PDE6A: variants seen among roughly 807,000 people sequenced by gnomAD.
PDE6A encodes rod cGMP-specific 3',5'-cyclic phosphodiesterase subunit alpha.
PDE6A carries 84 observed loss-of-function variants against 106.3 expected under a neutral mutation model. The observed-to-expected ratio is 0.79, with a 90% confidence interval of 0.66 to 0.95. The LOEUF (loss-of-function observed/expected upper bound fraction) is 0.95, where lower values mean the gene tolerates loss of function less well. Among genes scored for constraint, PDE6A ranks in the 40% least tolerant of loss-of-function variants. The pLI is 0.00. For synonymous variants in PDE6A, 394 were observed against 386.6 expected (o/e 1.02, Z -0.23); for missense variants, 1,052 against 1,084.9 (o/e 0.97, Z 0.43).
intron 3 of PDE6A, chr5:149,932,760 A>T (rs1221314871): frequency 9.3e-7 from 1 of 1,074,304 alleles, no homozygotes; most frequent in East Asian, 2.5e-5. Flanking sequence ...TCTGTGCTTC[A>T]TATTAAATCC....
At chr5:149,937,683 G>A (rs970825144) in intron 1 of PDE6A, among the ~76,000 whole-genome samples, 1 of 152,080 alleles carries the variant, frequency 6.6e-6, no homozygotes, top group African/African-American at 2.4e-5. Flanking sequence ...GCTGAGTTTG[G>A]ATTTTAAAGT....
rs767363693 is a variant in PDE6A, at chr5:149,921,681, A to T, written c.887T>A (p.Met296Lys). The T allele has an allele frequency of 1.2e-6, 2 of 1,614,050 alleles. No individual in the cohort carries two copies. Among genetic ancestry groups the T allele is most frequent in the Admixed American group, 3.3e-5 (2 of 60,026 alleles). The change falls in exon 5 of 22, where the codon ATG becomes AAG. Residue 296 changes from methionine to lysine, a missense_variant. Around this residue, in one of 3 missense-constraint regions of PDE6A, gnomAD observed 913 missense variants for 915.2 expected, o/e 1.00. Coordinates refer to ENST00000255266, the MANE Select transcript of PDE6A (RefSeq NM_000440.3). ...ACCAGAGTAAGGTGGAACTTCACCCATCAGAACCGGCCACACATCAAAAAA... is the reference window on the plus strand; with the variant it reads ...ACCAGAGTAAGGTGGAACTTCACCCTTCAGAACCGGCCACACATCAAAAAA... ...KEFFDVWPVLMGEVPPYSGPR... is the reference protein window; with the variant it reads ...KEFFDVWPVLKGEVPPYSGPR...
intron 8 of PDE6A, 146 bp from the exon 9 acceptor site, chr5:149,899,670 A>G: frequency 2.4e-6 from 2 of 829,776 alleles, no homozygotes; most frequent in Non-Finnish European, 4.1e-6. Context: ...GAGTTTAATT[A>G]CCGACAACTA....
chr5:149,944,699 G>GT lies in PDE6A; in HGVS notation c.-27dup. ...GGCTGGGAATCCCACTGGCTACTCT[G>GT]TAGAAGGACTGGGACGGAGGCCTTC... On this transcript the variant is annotated 5_prime_UTR_variant, in exon 1 of 22. The change abolishes the stop of an existing upstream ORF in the 5' untranslated region. Coordinates refer to ENST00000255266, the MANE Select transcript of PDE6A (RefSeq NM_000440.3). 6.4e-7 allele frequency: 1 copy of GT among 1,573,760 alleles called. No homozygotes were observed.
At chr5:149,923,324 C>A (rs1561772269) in intron 4 of PDE6A, among the ~76,000 whole-genome samples, 1 of 151,982 alleles carries the variant, frequency 6.6e-6, no homozygotes, top group South Asian at 2.1e-4. Context: ...ATGGCAAAAC[C>A]CCGTCTCTAC....
chr5:149,894,716 C>T (rs986728678), intron 13 of PDE6A, among the ~76,000 whole-genome samples: 7 of 148,496 alleles, frequency 4.7e-5, no homozygotes, highest in African/African-American at 1.7e-4. Flanking sequence ...ACTGCAACCT[C>T]TGCCTCCCGG....
Position 149,944,301 on chromosome 5 carries a change from G to A in PDE6A, c.373C>T (p.Leu125=). ...ACGATCTCTTGGTCGGGCATCACCA[G>A]GCAGTCCTCGAGGACAGCATCCTTG... ...VHKDAVLEDC[L]VMPDQEIVFP... Residue 125 remains leucine (L), a synonymous_variant, in exon 1 of 22, where the codon CTG becomes TTG. Transcript: ENST00000255266. The A allele has an allele frequency of 6.2e-7, 1 of 1,614,124 alleles. No homozygotes were observed. The highest frequency in any genetic ancestry group is 8.5e-7 in the Non-Finnish European group (1 of 1,180,022).
chr5:149,917,776 T>C (rs1307216438), intron 5 of PDE6A, among the ~76,000 whole-genome samples: 1 of 152,178 alleles, frequency 6.6e-6, no homozygotes, highest in Non-Finnish European at 1.5e-5. Context: ...TAGGCCTCAG[T>C]TTCTCTGGCT....
At chr5:149,896,823 G>A (rs757038871) in intron 10 of PDE6A, 47 bp from the exon 11 acceptor site, 162 of 1,595,842 alleles carry the variant, frequency 1.0e-4, no homozygotes, top group Non-Finnish European at 1.4e-4. Context: ...GTTACAACAT[G>A]CCTCCGCGTT....
At position 149,884,217 on chromosome 5, in the gene PDE6A, C is replaced by T. The variant is rs955067982; in HGVS notation, c.2027+262G>A. ...AAAAAAAAATATATATATATATATA[C>T]ACACACACATATATATGTGTAGATA... On this transcript the variant is annotated intron_variant, in intron 16 of 21. Coordinates refer to ENST00000255266, the MANE Select transcript of PDE6A (RefSeq NM_000440.3). Among the ~76,000 whole-genome samples the T allele has an allele frequency of 1.5e-3, 191 of 124,832 alleles. 2 individuals carry two copies. The highest frequency in any genetic ancestry group is 1.7e-3 in the Non-Finnish European group (96 of 56,730). 81.9% of individuals were successfully genotyped at this position (124,832 alleles called of 152,430 possible). A position where few individuals can be genotyped will look rare whatever the true frequency, so the allele number is the denominator to read the frequency against.
At chr5:149,884,188 G>GAAA (rs55911717) in intron 16 of PDE6A, among the ~76,000 whole-genome samples, 10 of 72,658 alleles carry the variant, frequency 1.4e-4, no homozygotes, top group East Asian at 1.1e-3. Context: ...TCTCAAAAAA[G>GAAA]AAAAAAAAAA....
At chr5:149,873,031 C>T (rs191871569) in intron 17 of PDE6A, among the ~76,000 whole-genome samples, 30 of 152,036 alleles carry the variant, frequency 2.0e-4, no homozygotes, top group Admixed American at 8.5e-4. Flanking sequence ...CGAGGGCCCA[C>T]GATATTCTCC....
At chr5:149,872,177 C>T (rs1760584737) in intron 17 of PDE6A, among the ~76,000 whole-genome samples, 1 of 152,278 alleles carries the variant, frequency 6.6e-6, no homozygotes, top group Non-Finnish European at 1.5e-5. Flanking sequence ...CCATCTCCTC[C>T]CCACTTGCTG....
chr5:149,860,133 C>G lies in PDE6A; in HGVS notation c.*762G>C, dbSNP rs1347315225. On this transcript the variant is annotated 3_prime_UTR_variant, in exon 22 of 22. Coordinates refer to ENST00000255266, the MANE Select transcript of PDE6A (RefSeq NM_000440.3). ...TCTCAGACTCCTGGGCTCATGCAGT[C>G]TGCCCACCTCAGCCTCCTGAAGTGC... is the stretch of plus-strand genomic sequence containing the variant. 2 of 152,242 alleles carry G rather than the reference C, an allele frequency of 1.3e-5. No homozygotes were observed. Among genetic ancestry groups the G allele is most frequent in the Admixed American group, 6.5e-5 (1 of 15,280 alleles). 9.4% of individuals were successfully genotyped at this position (152,242 alleles called of 1,614,324 possible).
In PDE6A at chr5:149,944,392, C is replaced by T. The variant is rs150808864; in HGVS notation, c.282G>A (p.Met94Ile). The change falls in exon 1 of 22, where the codon ATG becomes ATA. Residue 94 changes from methionine to isoleucine, a missense_variant. Met to Ile is a conservative substitution (Grantham distance 10, BLOSUM62 1). This residue lies in a region of PDE6A where 913 missense variants were observed against 915.2 expected (regional missense o/e 1.00). Transcript: ENST00000255266. ...TGCGGGTCCGGTACATGAACAGGCTCATGCGGTCTGCCTGCAGGAGGAAGC... is the reference window on the plus strand; with the variant it reads ...TGCGGGTCCGGTACATGAACAGGCTTATGCGGTCTGCCTGCAGGAGGAAGC... Reference protein sequence around the residue: ...KLCFLLQADRMSLFMYRTRNG... With the variant: ...KLCFLLQADRISLFMYRTRNG... 3.4e-4 allele frequency: 549 copies of T among 1,614,138 alleles called. No individual in the cohort carries two copies. The highest frequency in any genetic ancestry group is 4.0e-4 in the Non-Finnish European group (476 of 1,180,020).
chr5:149,863,212 T>G lies in PDE6A; in HGVS notation c.2413A>C (p.Asn805His). ...ITPMLDGITN[N>H]RKEWKALADE... ...GCAAGCGCCTTCCACTCCTTGCGAT[T>G]GTTGGTGATCCCGTCCAACATTGGG... is the stretch of plus-strand genomic sequence containing the variant. The change falls in exon 21 of 22, where the codon AAT becomes CAT. Residue 805 changes from asparagine (N) to histidine (H), a missense_variant. By Grantham distance (68) the Asn-to-His change is moderately conservative (BLOSUM62 1). Transcript: ENST00000255266. This position sits in a 1 kb window ranked among gnomAD's most constrained non-coding sequence, Gnocchi z 4.7. 1.2e-6 allele frequency: 2 copies of G among 1,614,224 alleles called. No individual in the cohort carries two copies. Among genetic ancestry groups the G allele is most frequent in the Non-Finnish European group, 1.7e-6 (2 of 1,180,030 alleles).
chr5:149,900,419 T>G, intron 8 of PDE6A, among the ~76,000 whole-genome samples: 1 of 93,072 alleles, frequency 1.1e-5, no homozygotes, highest in Non-Finnish European at 2.3e-5. Flanking sequence ...ATCAAACATT[T>G]AGAATGTGCA....
chr5:149,866,824 C>A (rs571409431), intron 19 of PDE6A: 85 of 153,748 alleles, frequency 5.5e-4, no homozygotes, highest in Non-Finnish European at 9.4e-4. Context: ...AATACTGCAA[C>A]CAAAAGCAAA....
chr5:149,860,685 G>T lies in PDE6A; in HGVS notation c.*210C>A. The T allele has an allele frequency of 6.6e-6, 3 of 451,516 alleles. No homozygotes were observed. Among genetic ancestry groups the T allele is most frequent in the Non-Finnish European group, 1.2e-5 (3 of 253,742 alleles). The allele number at this position is 451,516 out of a possible 1,614,324, so 28.0% of individuals were successfully genotyped here. A position where few individuals can be genotyped will look rare whatever the true frequency, so the allele number is the denominator to read the frequency against. ...TTTTTAAGTTCAACAGCTATCATTA[G>T]TGTTACTGTATTTTATGTGTGACCC... On this transcript the variant is annotated 3_prime_UTR_variant, in exon 22 of 22. Coordinates refer to ENST00000255266, the MANE Select transcript of PDE6A (RefSeq NM_000440.3).
Sources: allele counts gnomAD v4.1 joint callset (sites outside exome capture counted in the v4.1 genomes callset), GRCh38; gene constraint gnomAD v4.1.1; regional missense constraint gnomAD v4.1.1; non-coding constraint Gnocchi (gnomAD v3.1); transcripts MANE v1.5; gene names NCBI Gene and HGNC (gene_info 2026-07-23, HGNC 2026-07-21).